The following NLGN1 variants were observed in gnomAD, a reference collection of about 807,000 sequenced individuals.
NLGN1 encodes the protein neuroligin-1.
NLGN1 carries 12 observed loss-of-function variants against 65.5 expected under a neutral mutation model. The ratio of observed to expected loss-of-function variants is 0.18; its 90% confidence interval spans 0.12 to 0.30. NLGN1 has a LOEUF of 0.30. NLGN1 is among the 10% of genes least tolerant of loss of function. NLGN1 has a pLI of 1.00. For missense variants in NLGN1, 750 were observed against 1,007.1 expected, an observed-to-expected ratio of 0.74 and a Z score of 3.46; for synonymous variants, 350 against 359.5, an observed-to-expected ratio of 0.97 and a Z score of 0.30.
At chr3:173,532,985 G>A (rs1236582203) in intron 2 of NLGN1, among the ~76,000 whole-genome samples, 2 of 152,100 alleles carry the variant, frequency 1.3e-5, no homozygotes, top group Non-Finnish European at 2.9e-5. Flanking sequence ...AAATGCTGTG[G>A]CCTCCAGCTG....
chr3:174,228,030 G>T (rs757306005), intron 4 of NLGN1, among the ~76,000 whole-genome samples: 1 of 151,858 alleles, frequency 6.6e-6, no homozygotes, highest in Non-Finnish European at 1.5e-5. Context: ...TTCATACTGA[G>T]ACATATTGTT....
chr3:173,714,637 C>T (rs1463396763), intron 3 of NLGN1, among the ~76,000 whole-genome samples: 1 of 152,076 alleles, frequency 6.6e-6, no homozygotes, highest in East Asian at 1.9e-4. Flanking sequence ...CTATGCCTTT[C>T]TGGAGCAAGT....
At chr3:173,757,360 T>C (rs1777293919) in intron 3 of NLGN1, among the ~76,000 whole-genome samples, 1 of 151,808 alleles carries the variant, frequency 6.6e-6, no homozygotes, top group African/African-American at 2.4e-5. Flanking sequence ...AATATTCTTG[T>C]AAAAAAAATT....
chr3:173,664,557 AT>A (rs1267879070), intron 3 of NLGN1, among the ~76,000 whole-genome samples: 5 of 152,098 alleles, frequency 3.3e-5, no homozygotes, highest in Non-Finnish European at 7.4e-5. Context: ...AGTGTTAACA[AT>A]TTCCTGTGCT....
intron 4 of NLGN1, among the ~76,000 whole-genome samples, chr3:174,009,836 C>T (rs1006630190): frequency 1.3e-5 from 2 of 151,962 alleles, no homozygotes; most frequent in Non-Finnish European, 2.9e-5. Context: ...AATGGCTCAG[C>T]TGGGCAAAAA....
intron 4 of NLGN1, among the ~76,000 whole-genome samples, chr3:174,030,744 C>T (rs887875179): frequency 3.3e-5 from 5 of 152,084 alleles, no homozygotes; most frequent in South Asian, 2.1e-4. Context: ...AGAAAGCAGA[C>T]GGACAAATCT....
At chr3:174,061,707 G>A (rs962449586) in intron 4 of NLGN1, among the ~76,000 whole-genome samples, 4 of 152,042 alleles carry the variant, frequency 2.6e-5, no homozygotes, top group African/African-American at 9.7e-5. Context: ...CAAAATAGCA[G>A]CAACTTCAAG....
At chr3:174,091,241 C>T (rs534798149) in intron 4 of NLGN1, among the ~76,000 whole-genome samples, 15 of 152,306 alleles carry the variant, frequency 9.8e-5, no homozygotes, top group African/African-American at 3.4e-4. Context: ...CCTTTTAAAA[C>T]AGCTATTTGT....
intron 4 of NLGN1, among the ~76,000 whole-genome samples, chr3:174,067,983 CA>C (rs1580115308): frequency 6.6e-6 from 1 of 152,246 alleles, no homozygotes; most frequent in East Asian, 1.9e-4. Flanking sequence ...TGGCCTGAGG[CA>C]AACTGGGAAG....
chr3:173,773,427 A>T (rs1265992823), intron 3 of NLGN1, among the ~76,000 whole-genome samples: 2 of 152,230 alleles, frequency 1.3e-5, no homozygotes, highest in Non-Finnish European at 2.9e-5. Flanking sequence ...CCAATGACCT[A>T]GCAGTTTCAC....
At chr3:174,160,825 T>A (rs1262578092) in intron 4 of NLGN1, among the ~76,000 whole-genome samples, 1 of 151,640 alleles carries the variant, frequency 6.6e-6, no homozygotes, top group Admixed American at 6.6e-5. Flanking sequence ...AATTATATTA[T>A]TATTGACCAT....
chr3:174,042,972 A>C (rs1378367599), intron 4 of NLGN1, among the ~76,000 whole-genome samples: 6 of 152,216 alleles, frequency 3.9e-5, no homozygotes, highest in African/African-American at 1.4e-4. Flanking sequence ...ACAGTTCTGC[A>C]TAGCTGGGGA....
intron 1 of NLGN1, among the ~76,000 whole-genome samples, chr3:173,418,239 A>C (rs1714198954): frequency 6.6e-6 from 1 of 151,546 alleles, no homozygotes; most frequent in Non-Finnish European, 1.5e-5. Context: ...ATTAGTATAC[A>C]ATGTAATATT....
In NLGN1 at chr3:174,203,036, G is replaced by A. The variant is rs769083456; in HGVS notation, c.647-72279G>A. ...TATTTATTTATTTTGAGGGTAGAGCGTGTCATTGAAAGGTACCTGACCCAA... is the reference window on the plus strand; with the variant it reads ...TATTTATTTATTTTGAGGGTAGAGCATGTCATTGAAAGGTACCTGACCCAA... On this transcript the variant is annotated intron_variant, in intron 4 of 6. Transcript: ENST00000457714. 2.6e-5 allele frequency among the ~76,000 whole-genome samples: 4 copies of A among 152,032 alleles called. No individual in the cohort carries two copies. The East Asian group carries it at 5.8e-4, about 22-fold the overall frequency.
At chr3:174,278,775 T>C (rs1407677742) in intron 5 of NLGN1, 86 bp from the exon 6 acceptor site, 38 of 1,104,386 alleles carry the variant, frequency 3.4e-5, no homozygotes, top group Non-Finnish European at 4.7e-5. Context: ...TGGGTTTTTA[T>C]ATACATGTCT....
intron 4 of NLGN1, among the ~76,000 whole-genome samples, chr3:173,914,417 A>G (rs1464559943): frequency 6.6e-6 from 1 of 152,082 alleles, no homozygotes; most frequent in Admixed American, 6.6e-5. Context: ...TGAAGCATGG[A>G]GGCTACTTGA....
chr3:173,694,271 G>T lies in NLGN1; in HGVS notation c.493+89180G>T, dbSNP rs550302564. Among the ~76,000 whole-genome samples, 92 of 152,164 alleles carry T rather than the reference G, an allele frequency of 6.0e-4. 1 individual carries two copies. The highest frequency in any genetic ancestry group is 2.2e-3 in the African/African-American group (91 of 41,532). On this transcript the variant is annotated intron_variant, in intron 3 of 6. Coordinates refer to ENST00000457714, the Ensembl canonical transcript of NLGN1. ...TCAGTGATGCACTCTGAGCAGTCTG[G>T]AACAAGATATGACAAGATGAGCACA... is the stretch of plus-strand genomic sequence containing the variant.
At chr3:174,241,676 C>A (rs1057091052) in intron 4 of NLGN1, among the ~76,000 whole-genome samples, 1 of 149,502 alleles carries the variant, frequency 6.7e-6, no homozygotes, top group Non-Finnish European at 1.5e-5. Context: ...CTTTTTGAGA[C>A]GGAGTCTCGT....
At chr3:173,712,854 A>T (rs548663974) in intron 3 of NLGN1, among the ~76,000 whole-genome samples, 4 of 152,298 alleles carry the variant, frequency 2.6e-5, no homozygotes, top group African/African-American at 7.2e-5. Flanking sequence ...AATTAATTGT[A>T]AAACTTCAGA....
Sources: allele counts gnomAD v4.1 joint callset (sites outside exome capture counted in the v4.1 genomes callset), GRCh38; gene constraint gnomAD v4.1.1; transcripts MANE v1.5; gene names NCBI Gene and HGNC (gene_info 2026-07-23, HGNC 2026-07-21).